MDFIC: variants seen among roughly 807,000 people sequenced by gnomAD.
MDFIC encodes the protein MyoD family inhibitor domain containing.
MDFIC carries 17 observed loss-of-function variants against 23.2 expected under a neutral mutation model. The observed-to-expected ratio is 0.73, with a 90% CI of 0.50 to 1.10. The LOEUF is 1.10. Among genes scored for constraint, MDFIC ranks in the 50% least tolerant of loss-of-function variants. The probability of loss-of-function intolerance (pLI) is 0.00; values close to 1 mark genes in which losing one functional copy is unlikely to be tolerated. For missense variants in MDFIC, 356 were observed against 316.6 expected, an observed-to-expected ratio of 1.12 and a Z score of -0.95; for synonymous variants, 120 against 115.2, an observed-to-expected ratio of 1.04 and a Z score of -0.27.
chr7:114,935,868 TTCATATAGAGA>T (rs1792414775), intron 2 of MDFIC, among the ~76,000 whole-genome samples: 1 of 152,260 alleles, frequency 6.6e-6, no homozygotes, highest in African/African-American at 2.4e-5. Context: ...TGTCTGGTTT[TTCATATAGAGA>T]TCACTGAAAG....
chr7:114,922,662 A>G, intron 1 of MDFIC, 26 bp downstream of exon 1: 1 of 1,314,656 alleles, frequency 7.6e-7, no homozygotes, highest in Non-Finnish European at 9.7e-7. Context: ...CGGGCGGGGA[A>G]GAGGAGGGGT....
chr7:115,015,781 C>T lies in MDFIC; in HGVS notation c.587C>T (p.Thr196Ile). The change falls in exon 5 of 5, where the codon ACC becomes ATC. Residue 196 changes from threonine (T) to isoleucine (I), a missense_variant. By Grantham distance (89) the Thr-to-Ile change is moderately conservative (BLOSUM62 -1). Transcript: ENST00000393486. ...VLGQASCGIC[T>I]SEACCCCCGD... ...GGACAAGCGTCATGTGGCATCTGCA[C>T]CTCAGAAGCCTGCTGCTGTTGCTGT... 1 of 1,614,200 alleles carries T rather than the reference C, an allele frequency of 6.2e-7. No individual in the cohort carries two copies. The highest frequency in any genetic ancestry group is 1.1e-5 in the South Asian group (1 of 91,078).
chr7:114,979,440 T>G (rs1793375779), intron 3 of MDFIC, 66 bp from the exon 4 acceptor site: 2 of 1,459,524 alleles, frequency 1.4e-6, no homozygotes, highest in South Asian at 2.8e-5. Context: ...TGAATGTATT[T>G]TCATTATTTT....
chr7:114,929,484 A>G (rs139927469), intron 2 of MDFIC, among the ~76,000 whole-genome samples: 2 of 152,312 alleles, frequency 1.3e-5, no homozygotes, highest in Non-Finnish European at 2.9e-5. Context: ...GATTTTGGCA[A>G]TCAGACAACA....
chr7:115,014,375 G>T (rs961004836), intron 4 of MDFIC: 52 of 1,284,918 alleles, frequency 4.0e-5, no homozygotes, highest in Non-Finnish European at 5.3e-5. Flanking sequence ...CAGTTATATG[G>T]CATTCTATAG....
rs1395148052 is a variant in MDFIC, at chr7:114,942,819, T to C, written c.217+422T>C. Among the ~76,000 whole-genome samples, 5 of 152,194 alleles carry C rather than the reference T, an allele frequency of 3.3e-5. No homozygotes were observed. In the South Asian group the frequency reaches 1.0e-3, roughly 31 times the overall value. ...TTTATGATTAATATTTTATCACTGTTTGTTAAAAAAATTTTTTGTGATATT... is the reference window on the plus strand; with the variant it reads ...TTTATGATTAATATTTTATCACTGTCTGTTAAAAAAATTTTTTGTGATATT... On this transcript the variant is annotated intron_variant, in intron 3 of 4. Coordinates refer to ENST00000393486, the MANE Select transcript of MDFIC (RefSeq NM_001166345.3).
rs189012002 is a variant in MDFIC at position 115,018,776 on chromosome 7, A to G, written c.*2841A>G. On this transcript the variant is annotated 3_prime_UTR_variant, in exon 5 of 5. Transcript: ENST00000393486. ...CTTTATTTTGCTTTACCGTATGTTT[A>G]TATCTAATTGACATATTGACTAATG... is the stretch of plus-strand genomic sequence containing the variant. 3.8e-3 allele frequency: 575 copies of G among 152,308 alleles called. 5 individuals carry two copies. Among genetic ancestry groups the G allele is most frequent in the Non-Finnish European group, 3.9e-3 (264 of 67,846 alleles). 9.4% of individuals were successfully genotyped at this position (152,308 alleles called of 1,614,324 possible). A position where few individuals can be genotyped will look rare whatever the true frequency, so the allele number is the denominator to read the frequency against.
chr7:114,983,563 C>CTTTTT lies in MDFIC; in HGVS notation c.493+3800_493+3804dup, dbSNP rs11388500. 9.7e-4 allele frequency among the ~76,000 whole-genome samples: 86 copies of CTTTTT among 88,278 alleles called. 1 individual carries two copies. The highest frequency in any genetic ancestry group is 1.3e-3 in the Non-Finnish European group (61 of 48,358). The allele number at this position is 88,278 out of a possible 152,430, so 57.9% of individuals were successfully genotyped here. ...AAAGAAGCCTGCACTTCATCAGGTA[C>CTTTTT]TTTTTTTTTTTTTTTTTTTTTTGAG... On this transcript the variant is annotated intron_variant, in intron 4 of 4. Transcript: ENST00000393486.
chr7:114,981,659 G>C (rs754705422), intron 4 of MDFIC, among the ~76,000 whole-genome samples: 4 of 152,172 alleles, frequency 2.6e-5, no homozygotes, highest in African/African-American at 9.7e-5. Context: ...AAATTTAAAT[G>C]TATAAACACA....
intron 4 of MDFIC, among the ~76,000 whole-genome samples, chr7:114,982,728 G>T (rs544380316): frequency 6.6e-6 from 1 of 152,214 alleles, no homozygotes; most frequent in East Asian, 1.9e-4. Flanking sequence ...ACCTGAGACT[G>T]GGTATTTGAT....
intron 4 of MDFIC, among the ~76,000 whole-genome samples, chr7:114,989,764 G>A (rs1338117118): frequency 6.6e-6 from 1 of 152,106 alleles, no homozygotes; most frequent in Non-Finnish European, 1.5e-5. Context: ...TTGGTACAAG[G>A]ACACGTAACC....
intron 4 of MDFIC, among the ~76,000 whole-genome samples, chr7:115,009,494 T>A (rs1791638855): frequency 6.6e-6 from 1 of 152,216 alleles, no homozygotes; most frequent in South Asian, 2.1e-4. Context: ...CCTAGTGTAA[T>A]TTGGCCACAT....
intron 4 of MDFIC, among the ~76,000 whole-genome samples, chr7:115,006,057 G>A (rs1171004749): frequency 6.6e-6 from 1 of 152,160 alleles, no homozygotes; most frequent in East Asian, 1.9e-4. Flanking sequence ...TTCTGTCAGG[G>A]CTGGGGAGTG....
intron 1 of MDFIC, 31 bp downstream of exon 1, chr7:114,922,667 AG>A (rs1285601245): frequency 3.0e-6 from 4 of 1,321,484 alleles, no homozygotes; most frequent in Non-Finnish European, 3.9e-6. Flanking sequence ...GGGGAAGAGG[AG>A]GGGTTTGATC....
At chr7:114,993,181 T>G (rs543749475) in intron 4 of MDFIC, among the ~76,000 whole-genome samples, 186 of 152,314 alleles carry the variant, frequency 1.2e-3, no homozygotes, top group Admixed American at 3.1e-3. Context: ...TGTATTTCTG[T>G]GGGATCAGTG....
intron 4 of MDFIC, among the ~76,000 whole-genome samples, chr7:114,992,231 A>C (rs1176039434): frequency 6.6e-6 from 1 of 152,220 alleles, no homozygotes; most frequent in Non-Finnish European, 1.5e-5. Context: ...GTTGCTTATC[A>C]GCTTAAGGAG....
chr7:115,013,270 T>C (rs1196933490), intron 4 of MDFIC, among the ~76,000 whole-genome samples: 1 of 152,172 alleles, frequency 6.6e-6, no homozygotes, highest in Non-Finnish European at 1.5e-5. Flanking sequence ...GTTACTTCTA[T>C]GGAGAGGAAG....
rs755313149 is a variant in MDFIC, at chr7:114,979,661, G to T, written c.373G>T (p.Ala125Ser). ...HGSADNRKLS[A>S]PVSQKMHRKI... ...ATCCGCAGATAATCGCAAACTTTCA[G>T]CACCTGTTTCTCAAAAAATGCATAG... is the stretch of plus-strand genomic sequence containing the variant. Residue 125 changes from alanine (A) to serine (S), a missense_variant, in exon 4 of 5, where the codon GCA becomes TCA. By Grantham distance (99) the Ala-to-Ser change is moderately conservative. Transcript: ENST00000393486. 6.2e-7 allele frequency: 1 copy of T among 1,613,964 alleles called. No individual in the cohort carries two copies. The highest frequency in any genetic ancestry group is 1.1e-5 in the South Asian group (1 of 91,078).
intron 3 of MDFIC, among the ~76,000 whole-genome samples, chr7:114,948,353 T>G (rs1221990949): frequency 6.6e-6 from 1 of 152,222 alleles, no homozygotes; most frequent in African/African-American, 2.4e-5. Flanking sequence ...ATAAGGCTAC[T>G]TTGAAGAGTT....
Sources: allele counts gnomAD v4.1 joint callset (sites outside exome capture counted in the v4.1 genomes callset), GRCh38; gene constraint gnomAD v4.1.1; transcripts MANE v1.5; gene names NCBI Gene and HGNC (gene_info 2026-07-23, HGNC 2026-07-21).